Variants in TTC19 observed in about 807,000 individuals in gnomAD.
The protein encoded by TTC19 is tetratricopeptide repeat protein 19, mitochondrial.
Under a neutral mutation model 49.5 loss-of-function variants are expected in TTC19, and 38 were observed. That is an observed-to-expected ratio of 0.77 (90% confidence interval 0.59 to 1.01). The LOEUF is 1.01. Among genes scored for constraint, TTC19 ranks in the 50% least tolerant of loss-of-function variants. TTC19 has a pLI of 0.00. For synonymous variants in TTC19, 204 were observed against 185.2 expected (o/e 1.10, Z -0.83); for missense variants, 475 against 477.7 (o/e 0.99, Z 0.05).
chr17:16,040,176 C>G (rs112673653), intron 2 of TTC19: 9,709 of 578,218 alleles, frequency 0.017, 134 homozygotes, highest in Non-Finnish European at 0.025. Context: ...TAAAGTTACT[C>G]AACAATTTTC....
chr17:16,033,650 C>T (rs1054102655), downstream of TTC19, among the ~76,000 whole-genome samples: 1 of 91,142 alleles, frequency 1.1e-5, no homozygotes, highest in Non-Finnish European at 2.3e-5. Flanking sequence ...CGTAATATCC[C>T]AGTTTTAAAA....
chr17:16,040,729 C>T (rs1356843744), intron 2 of TTC19: 1 of 548,044 alleles, frequency 1.8e-6, no homozygotes, highest in Non-Finnish European at 3.3e-6. Context: ...AAGGTAGGAA[C>T]ATCAAAAGAA....
chr17:16,041,617 T>G (rs1239688859), intron 2 of TTC19, among the ~76,000 whole-genome samples: 9 of 151,530 alleles, frequency 5.9e-5, no homozygotes, highest in Admixed American at 2.0e-4. Context: ...GTTTCACCAT[T>G]TTGGCCAGGC....
intron 2 of TTC19, among the ~76,000 whole-genome samples, chr17:16,034,541 G>A (rs1052904380): frequency 2.0e-5 from 3 of 152,110 alleles, no homozygotes; most frequent in South Asian, 2.1e-4. Context: ...CTCAGAGGTC[G>A]AGGCTGCAGT....
At chr17:16,017,692 C>T (rs1470291555) in intron 7 of TTC19, among the ~76,000 whole-genome samples, 1 of 151,868 alleles carries the variant, frequency 6.6e-6, no homozygotes, top group Non-Finnish European at 1.5e-5. Flanking sequence ...ACCTGGGAGG[C>T]GGAGGTTGCA....
chr17:16,002,539 C>T (rs528954529), intron 3 of TTC19: 390 of 517,664 alleles, frequency 7.5e-4, no homozygotes, highest in Non-Finnish European at 1.3e-3. Flanking sequence ...CCAAAAAAAA[C>T]CAGTATCATT....
At chr17:16,006,334 C>T (rs755208247) in intron 6 of TTC19, 140 bp from the exon 7 acceptor site, 18 of 688,902 alleles carry the variant, frequency 2.6e-5, no homozygotes, top group Non-Finnish European at 4.2e-5. Context: ...CGCTTGAACC[C>T]CGGAGGTGGA....
At chr17:16,016,129 G>A (rs1239243641) in intron 7 of TTC19, among the ~76,000 whole-genome samples, 1 of 151,968 alleles carries the variant, frequency 6.6e-6, no homozygotes, top group Non-Finnish European at 1.5e-5. Flanking sequence ...ATTGATTTAA[G>A]GTTTTTCTTC....
intron 7 of TTC19, among the ~76,000 whole-genome samples, chr17:16,011,323 G>C (rs1172346734): frequency 1.3e-5 from 2 of 152,184 alleles, no homozygotes; most frequent in Non-Finnish European, 2.9e-5. Context: ...TGGGATTACA[G>C]GCGTGAGCTA....
At chr17:16,034,665 G>T in intron 2 of TTC19, 1 of 1,087,758 alleles carries the variant, frequency 9.2e-7, no homozygotes, top group Non-Finnish European at 1.3e-6. Flanking sequence ...GGGAATATAG[G>T]TTTCCAAATT....
At chr17:16,018,215 A>C (rs1483856011) in intron 7 of TTC19, among the ~76,000 whole-genome samples, 1 of 151,694 alleles carries the variant, frequency 6.6e-6, no homozygotes, top group African/African-American at 2.4e-5. Flanking sequence ...AATGAGCATA[A>C]GGTTAGGGAG....
chr17:16,040,036 C>T (rs527686216), intron 2 of TTC19: 22 of 397,322 alleles, frequency 5.5e-5, no homozygotes, highest in Non-Finnish European at 8.2e-5. Flanking sequence ...GTGATCCGCC[C>T]GCCTTGGCCT....
At chr17:16,000,918 CA>C (rs1567575889) in intron 2 of TTC19, among the ~76,000 whole-genome samples, 1 of 152,208 alleles carries the variant, frequency 6.6e-6, no homozygotes, top group Admixed American at 6.5e-5. Context: ...ACCTCATAGT[CA>C]TTCTTAAAAC....
At chr17:16,014,119 C>T (rs528107705) in intron 7 of TTC19, among the ~76,000 whole-genome samples, 10 of 152,308 alleles carry the variant, frequency 6.6e-5, no homozygotes, top group Non-Finnish European at 1.5e-5. Flanking sequence ...GAATCTCATC[C>T]AGAAATGACA....
In TTC19 at chr17:16,027,473, C is replaced by G; in HGVS notation, c.1094C>G (p.Ala365Gly). The G allele has an allele frequency of 6.2e-7, 1 of 1,614,068 alleles. No individual in the cohort carries two copies. Among genetic ancestry groups the G allele is most frequent in the Non-Finnish European group, 8.5e-7 (1 of 1,179,968 alleles). ...ISVQHIREEL[A>G]ELSKKSRPLT... is the part of the protein sequence containing the mutation. The stretch of plus-strand genomic sequence containing the variant: ...GTACAACACATCAGGGAAGAGTTGG[C>G]TGAGCTGTCAAAGAAAAGTAGACCT... The change falls in exon 10 of 10, where the codon GCT becomes GGT. Residue 365 changes from alanine to glycine, a missense_variant. Ala to Gly is a moderately conservative substitution (Grantham distance 60). Coordinates refer to ENST00000261647, the MANE Select transcript of TTC19 (RefSeq NM_017775.4).
In TTC19 at chr17:16,026,703, G is replaced by T; in HGVS notation, c.994+1G>T. ...CTAGCTGCAGTTTTGATGCACAGAG[G>T]TAGGTAGCAATGTAAACTTAACTGA... On this transcript the variant is annotated splice_donor_variant, in intron 9 of 9. Coordinates refer to ENST00000261647, the MANE Select transcript of TTC19 (RefSeq NM_017775.4). LOFTEE classifies it high-confidence loss of function. 6.2e-7 allele frequency: 1 copy of T among 1,614,030 alleles called. No individual in the cohort carries two copies. The highest frequency in any genetic ancestry group is 8.5e-7 in the Non-Finnish European group (1 of 1,179,912).
chr17:16,035,810 G>A (rs1020996936), intron 2 of TTC19, among the ~76,000 whole-genome samples: 1 of 152,052 alleles, frequency 6.6e-6, no homozygotes, highest in Non-Finnish European at 1.5e-5. Context: ...CCAAAGTGCT[G>A]GGATTACAGG....
downstream of TTC19, chr17:16,032,156 T>C: frequency 2.4e-6 from 2 of 836,922 alleles, no homozygotes; most frequent in Admixed American, 7.7e-5. Context: ...CATCATTTCT[T>C]CATCATCTGT....
chr17:16,040,140 A>G, intron 2 of TTC19: 4 of 528,202 alleles, frequency 7.6e-6, no homozygotes, highest in Non-Finnish European at 1.4e-5. Flanking sequence ...TTGTTTCCCA[A>G]GTGAATCAGT....
Sources: gnomAD v4.1 joint callset for allele counts (sites outside exome capture counted in the v4.1 genomes callset) on GRCh38, gnomAD v4.1.1 for gene constraint, MANE v1.5 for transcripts, NCBI Gene and HGNC (gene_info 2026-07-23, HGNC 2026-07-21) for gene names.